The following NFIX variants were observed in gnomAD, a reference collection of about 807,000 sequenced individuals.
The protein encoded by NFIX is nuclear factor I X, also known as nuclear factor 1 X-type.
In NFIX, 2 loss-of-function variants were observed where a neutral mutation model predicts 53.3. That is an observed-to-expected ratio of 0.04 (90% CI 0.02 to 0.12). NFIX has a LOEUF of 0.12. NFIX is among the 10% of genes least tolerant of loss of function. The pLI is 1.00. For synonymous variants in NFIX, 244 were observed against 289.0 expected (o/e 0.84, Z 1.58); for missense variants, 310 against 674.5 (o/e 0.46, Z 5.99).
At chr19:13,050,701 C>T (rs984746306) in intron 2 of NFIX, among the ~76,000 whole-genome samples, 12 of 152,204 alleles carry the variant, frequency 7.9e-5, no homozygotes, top group Admixed American at 2.6e-4. Context: ...CTCTGGACCC[C>T]TGGGTGTCGG....
At position 13,028,265 on chromosome 19, in the gene NFIX, CAG is replaced by C. The variant is rs1313052339; in HGVS notation, c.559+2714_559+2715del. 6.6e-6 allele frequency among the ~76,000 whole-genome samples: 1 copy of C among 152,214 alleles called. No homozygotes were observed. The highest frequency in any genetic ancestry group is 1.5e-5 in the Non-Finnish European group (1 of 68,036). On this transcript the variant is annotated intron_variant, in intron 2 of 10. Transcript: ENST00000592199. This position sits in a 1 kb window ranked among gnomAD's most constrained non-coding sequence, Gnocchi z 4.2. ...TCCTTCCAGGATGATAAACTGGGGA[CAG>C]GGGCCGGGATGGCACAGGCTCAGAC...
At position 13,097,231 on chromosome 19, in the gene NFIX, C is replaced by T. The variant is rs2018518079; in HGVS notation, c.*2582C>T. ...GTTTTCCTGCGTTGACGAGGATGAT[C>T]TGGGGTTTTTATTTGTTTCGTCGTT... On this transcript the variant is annotated 3_prime_UTR_variant, in exon 11 of 11. Coordinates refer to ENST00000592199, the MANE Select transcript of NFIX (RefSeq NM_001365902.3). 7.1e-6 allele frequency: 1 copy of T among 141,284 alleles called. No individual in the cohort carries two copies. Among genetic ancestry groups the T allele is most frequent in the African/African-American group, 2.6e-5 (1 of 37,884 alleles). 8.8% of individuals were successfully genotyped at this position (141,284 alleles called of 1,614,324 possible).
At chr19:12,997,131 G>A (rs1488831229) in intron 1 of NFIX, among the ~76,000 whole-genome samples, 1 of 152,258 alleles carries the variant, frequency 6.6e-6, no homozygotes, top group Non-Finnish European at 1.5e-5. Context: ...TGTGTCCACA[G>A]CTTACAGTGG....
rs2018570697 is a variant in NFIX at position 13,098,073 on chromosome 19, C to G, written c.*3424C>G. ...CCGACCTAGTGCCTTGTTCTCACCC[C>G]CGTGCTGGCGGAGCGGACGCCGCGC... is the stretch of plus-strand genomic sequence containing the variant. On this transcript the variant is annotated 3_prime_UTR_variant, in exon 11 of 11. Coordinates refer to ENST00000592199, the MANE Select transcript of NFIX (RefSeq NM_001365902.3). 6.6e-6 allele frequency: 1 copy of G among 152,524 alleles called. No homozygotes were observed. Among genetic ancestry groups the G allele is most frequent in the African/African-American group, 2.4e-5 (1 of 41,424 alleles). The allele number at this position is 152,524 out of a possible 1,614,324, so 9.4% of individuals were successfully genotyped here.
intron 6 of NFIX, 63 bp downstream of exon 6, chr19:13,075,734 C>T: frequency 6.4e-7 from 1 of 1,561,440 alleles, no homozygotes; most frequent in Non-Finnish European, 8.7e-7. Context: ...GTCCCCTTCT[C>T]AGTTCACCTG....
At chr19:13,086,137 G>A (rs1374015577) in intron 8 of NFIX, among the ~76,000 whole-genome samples, 2 of 152,228 alleles carry the variant, frequency 1.3e-5, no homozygotes, top group South Asian at 4.1e-4. Context: ...TGCCTGCTCG[G>A]CCTGTGTTCC....
At chr19:13,063,323 C>T (rs1221240914) in intron 2 of NFIX, among the ~76,000 whole-genome samples, 1 of 152,158 alleles carries the variant, frequency 6.6e-6, no homozygotes, top group Non-Finnish European at 1.5e-5. Context: ...TCCCCAGAAG[C>T]ATTCAGGGGT....
Position 12,995,780 on chromosome 19 carries a change from C to CG in NFIX, c.-58_-57insG. ...AGCCCGAGCCCGAGCGCGGCCGCCG[C>CG]CTGCCGGGCCTCCCCTCGCCGCGGC... On this transcript the variant is annotated 5_prime_UTR_variant, in exon 1 of 11. Coordinates refer to ENST00000592199, the MANE Select transcript of NFIX (RefSeq NM_001365902.3). 2 of 850,696 alleles carry CG rather than the reference C, an allele frequency of 2.4e-6. No individual in the cohort carries two copies. Among genetic ancestry groups the CG allele is most frequent in the Non-Finnish European group, 2.8e-6 (2 of 710,004 alleles). The allele number at this position is 850,696 out of a possible 1,614,324, so 52.7% of individuals were successfully genotyped here.
intron 10 of NFIX, among the ~76,000 whole-genome samples, chr19:13,091,624 C>T (rs145176150): frequency 1.8e-4 from 28 of 152,168 alleles, no homozygotes; most frequent in African/African-American, 3.1e-4. Flanking sequence ...ACAATGGCTC[C>T]GAGCAGGGGC....
intron 10 of NFIX, among the ~76,000 whole-genome samples, chr19:13,092,271 G>A (rs1378701724): frequency 6.6e-6 from 1 of 152,238 alleles, no homozygotes; most frequent in Admixed American, 6.5e-5. Context: ...TTTTTACTTA[G>A]TTTTAATCAA....
At position 13,022,602 on chromosome 19, in the gene NFIX, A is replaced by AG. The variant is rs1389520464; in HGVS notation, c.28-2419_28-2418insG. On this transcript the variant is annotated intron_variant, in intron 1 of 10. Transcript: ENST00000592199. This position sits in a 1 kb window ranked among gnomAD's most constrained non-coding sequence, Gnocchi z 4.5. ...TGTGTGCTCCATAGGAAGAAAAAAA[A>AG]AAAGAAAGAAAGAAATAGAAACAGA... Among the ~76,000 whole-genome samples, 18 of 152,054 alleles carry AG rather than the reference A, an allele frequency of 1.2e-4. No homozygotes were observed. The highest frequency in any genetic ancestry group is 2.0e-4 in the Admixed American group (3 of 15,272).
In NFIX at chr19:13,075,420, G is replaced by T. The variant is rs567425037; in HGVS notation, c.819-115G>T. ...TGCCCAGAAATGCTGCTGTCGGCCG[G>T]CACCACTCCCCACCCAGAGGGCCAT... On this transcript the variant is annotated intron_variant, in intron 5 of 10. Coordinates refer to ENST00000592199, the MANE Select transcript of NFIX (RefSeq NM_001365902.3). 107 of 1,187,452 alleles carry T rather than the reference G, an allele frequency of 9.0e-5. No homozygotes were observed. In the African/African-American group the frequency reaches 1.5e-3, roughly 17 times the overall value. 73.6% of individuals were successfully genotyped at this position (1,187,452 alleles called of 1,614,324 possible).
chr19:13,090,477 A>C lies in NFIX; in HGVS notation c.1494+87A>C, dbSNP rs2018066863. The C allele has an allele frequency of 7.9e-6, 10 of 1,263,788 alleles. 1 individual carries two copies. Among genetic ancestry groups the C allele is most frequent in the Admixed American group, 1.7e-5 (1 of 59,104 alleles). 78.3% of individuals were successfully genotyped at this position (1,263,788 alleles called of 1,614,324 possible). A position where few individuals can be genotyped will look rare whatever the true frequency, so the allele number is the denominator to read the frequency against. ...ATCTTGGTGTTAGGGAAGAGCCTGG[A>C]GTCCTTGGGGCTAACAGGGAGAGAG... On this transcript the variant is annotated intron_variant, in intron 10 of 10. Coordinates refer to ENST00000592199, the MANE Select transcript of NFIX (RefSeq NM_001365902.3). This position sits in a 1 kb window ranked among gnomAD's most constrained non-coding sequence, Gnocchi z 6.6.
rs2011750951 is a variant in NFIX at position 13,002,271 on chromosome 19, T to C, written c.27+6407T>C. On this transcript the variant is annotated intron_variant, in intron 1 of 10. Coordinates refer to ENST00000592199, the MANE Select transcript of NFIX (RefSeq NM_001365902.3). This position sits in a 1 kb window ranked among gnomAD's most constrained non-coding sequence, Gnocchi z 6.1. ...GCTCCCTCTCTCCCTCTCTCTCTCC[T>C]CCTGCCAAACGCGTCTTGGCTCCGT... 6.7e-6 allele frequency among the ~76,000 whole-genome samples: 1 copy of C among 149,362 alleles called. No individual in the cohort carries two copies. The highest frequency in any genetic ancestry group is 6.6e-5 in the Admixed American group (1 of 15,048).
chr19:13,068,253 C>T lies in NFIX; in HGVS notation c.560-4794C>T, dbSNP rs758926710. Among the ~76,000 whole-genome samples the T allele has an allele frequency of 1.5e-4, 23 of 151,952 alleles. No individual in the cohort carries two copies. The highest frequency in any genetic ancestry group is 2.9e-4 in the Non-Finnish European group (20 of 68,014). On this transcript the variant is annotated intron_variant, in intron 2 of 10. Coordinates refer to ENST00000592199, the MANE Select transcript of NFIX (RefSeq NM_001365902.3). This position sits in a 1 kb window ranked among gnomAD's most constrained non-coding sequence, Gnocchi z 4.2. ...CCTCTTGGAAACACGCACAAGCACA[C>T]GTGCCTGCAAACAGCAGAAGGAAGA...
chr19:13,019,436 C>T (rs1263065625), intron 1 of NFIX, among the ~76,000 whole-genome samples: 1 of 152,174 alleles, frequency 6.6e-6, no homozygotes, highest in African/African-American at 2.4e-5. Flanking sequence ...TTTTCTTTCT[C>T]TGCCGCGGTG....
chr19:13,030,597 C>G (rs2064314475), intron 2 of NFIX, among the ~76,000 whole-genome samples: 1 of 152,172 alleles, frequency 6.6e-6, no homozygotes, highest in Non-Finnish European at 1.5e-5. Context: ...GCCTGAATAT[C>G]ACCAGTCCCT....
chr19:13,023,822 A>AT (rs2013107258), intron 1 of NFIX: 1 of 140,182 alleles, frequency 7.1e-6, no homozygotes, highest in Non-Finnish European at 1.5e-5. Flanking sequence ...GCAATGGAGC[A>AT]TGGGGGGGGG....
intron 8 of NFIX, among the ~76,000 whole-genome samples, chr19:13,084,464 A>C (rs1599867743): frequency 6.6e-6 from 1 of 152,100 alleles, no homozygotes; most frequent in Non-Finnish European, 1.5e-5. Context: ...ACAAAAACAA[A>C]AAAAACCCAG....
Sources: gnomAD v4.1 joint callset for allele counts (sites outside exome capture counted in the v4.1 genomes callset) on GRCh38, gnomAD v4.1.1 for gene constraint, Gnocchi (gnomAD v3.1) non-coding constraint, MANE v1.5 for transcripts, NCBI Gene and HGNC (gene_info 2026-07-23, HGNC 2026-07-21) for gene names.